Variants in FBN2 observed in about 807,000 individuals in gnomAD.
FBN2 encodes fibrillin 2.
Under a neutral mutation model 355.6 loss-of-function variants are expected in FBN2, and 105 were observed. The observed-to-expected ratio is 0.30, with a 90% CI of 0.25 to 0.35. The LOEUF is 0.35. Ranked by LOEUF, FBN2 falls within the 10% of genes least tolerant of loss-of-function variation. The pLI, the probability that FBN2 is intolerant of heterozygous loss-of-function variation, is 1.00. For missense variants in FBN2, 3,280 were observed against 3,758.7 expected (o/e 0.87, Z 3.33); for synonymous variants, 1,350 against 1,301.2 (o/e 1.04, Z -0.81).
intron 4 of FBN2, among the ~76,000 whole-genome samples, chr5:128,526,962 T>C (rs1756576621): frequency 6.6e-6 from 1 of 152,146 alleles, no homozygotes; most frequent in Non-Finnish European, 1.5e-5. Context: ...GAAAACAAGC[T>C]AGATATTCTT....
chr5:128,377,838 T>C lies in FBN2; in HGVS notation c.1763A>G (p.Asn588Ser), dbSNP rs1291953878. Reference sequence around the variant, plus strand: ...TCCATCTGTGTTCACGCATCGACCGTTTTTACAAAGAACCCCATTCTGGAT... The same window carrying C: ...TCCATCTGTGTTCACGCATCGACCGCTTTTACAAAGAACCCCATTCTGGAT... ...ECIQNGVLCKNGRCVNTDGSF... is the reference protein window; with the variant it reads ...ECIQNGVLCKSGRCVNTDGSF... Residue 588 changes from asparagine (N) to serine (S), a missense_variant, in exon 13 of 65, where the codon AAC (asparagine) becomes AGC (serine). Asn to Ser is a conservative substitution (Grantham distance 46). Around this residue, in one of 6 missense-constraint regions of FBN2, gnomAD observed 2,284 missense variants for 2,749.5 expected, o/e 0.83. Transcript: ENST00000262464. 6.2e-7 allele frequency: 1 copy of C among 1,613,370 alleles called. No homozygotes were observed. Among genetic ancestry groups the C allele is most frequent in the Non-Finnish European group, 8.5e-7 (1 of 1,179,526 alleles).
intron 48 of FBN2, among the ~76,000 whole-genome samples, chr5:128,299,498 A>T (rs1749650354): frequency 6.6e-6 from 1 of 151,190 alleles, no homozygotes; most frequent in Admixed American, 6.6e-5. Context: ...GGACCCTCCG[A>T]GCCATGTGCG....
chr5:128,271,717 A>G (rs916353441), intron 62 of FBN2, among the ~76,000 whole-genome samples: 1 of 152,230 alleles, frequency 6.6e-6, no homozygotes, highest in Non-Finnish European at 1.5e-5. Flanking sequence ...ATGATTCTTG[A>G]CATCATCTTC....
chr5:128,291,487 T>C, intron 49 of FBN2, 42 bp downstream of exon 49: 1 of 1,610,560 alleles, frequency 6.2e-7, no homozygotes, highest in East Asian at 2.2e-5. Context: ...CTTTAAAGTT[T>C]CTAAGCGTGA....
At chr5:128,297,866 T>G (rs573562331) in intron 48 of FBN2, among the ~76,000 whole-genome samples, 7,070 of 152,108 alleles carry the variant, frequency 0.046, 566 homozygotes, top group African/African-American at 0.16. Context: ...TGTGTGAATT[T>G]GATCCTGTCA....
rs1332336771 is a variant in FBN2, at chr5:128,258,004, A to G, written c.*1451T>C. The G allele has an allele frequency of 6.6e-6, 1 of 152,574 alleles. No individual in the cohort carries two copies. The highest frequency in any genetic ancestry group is 1.5e-5 in the Non-Finnish European group (1 of 68,042). The allele number at this position is 152,574 out of a possible 1,614,324, so 9.5% of individuals were successfully genotyped here. A position where few individuals can be genotyped will look rare whatever the true frequency, so the allele number is the denominator to read the frequency against. ...CCAAAAACCATAAGTTTTTCCTCAC[A>G]AACTCTTGATTACAAATTTACACTG... is the stretch of plus-strand genomic sequence containing the variant. On this transcript the variant is annotated 3_prime_UTR_variant, in exon 65 of 65. Transcript: ENST00000262464.
chr5:128,395,412 T>C, intron 8 of FBN2, 138 bp from the exon 9 acceptor site: 1 of 941,970 alleles, frequency 1.1e-6, no homozygotes, highest in Non-Finnish European at 1.6e-6. Flanking sequence ...TTCACTCTCT[T>C]AATATCTCAG....
chr5:128,399,863 G>C (rs928221543), intron 8 of FBN2, among the ~76,000 whole-genome samples: 17 of 151,734 alleles, frequency 1.1e-4, no homozygotes, highest in African/African-American at 4.1e-4. Context: ...CAGCAGGTCG[G>C]GGGGATCCTG....
At chr5:128,409,746 C>T (rs531533328) in intron 7 of FBN2, among the ~76,000 whole-genome samples, 19 of 152,246 alleles carry the variant, frequency 1.2e-4, no homozygotes, top group African/African-American at 4.3e-4. Flanking sequence ...GCCATACATA[C>T]AGATAATTAC....
intron 11 of FBN2, among the ~76,000 whole-genome samples, chr5:128,380,207 AAG>A (rs765490610): frequency 6.6e-6 from 1 of 152,120 alleles, no homozygotes; most frequent in African/African-American, 2.4e-5. Flanking sequence ...AAAATGAGAA[AAG>A]AGAGAGAGCA....
intron 20 of FBN2, among the ~76,000 whole-genome samples, chr5:128,353,048 C>T (rs1751409189): frequency 6.6e-6 from 1 of 151,968 alleles, no homozygotes; most frequent in Non-Finnish European, 1.5e-5. Flanking sequence ...TGGCACATGC[C>T]TGTAGTCCCA....
At chr5:128,442,076 A>G in intron 7 of FBN2, 1 of 304,140 alleles carries the variant, frequency 3.3e-6, no homozygotes, top group Non-Finnish European at 6.4e-6. Flanking sequence ...AGACTGTGCC[A>G]ACAACTTTTA....
chr5:128,265,967 TC>T (rs1765104789), intron 62 of FBN2, among the ~76,000 whole-genome samples: 2 of 152,176 alleles, frequency 1.3e-5, no homozygotes, highest in African/African-American at 2.4e-5. Flanking sequence ...CCTTCTGTAT[TC>T]CCCCATCAAT....
chr5:128,325,188 C>T (rs1750510816), intron 34 of FBN2, among the ~76,000 whole-genome samples: 1 of 152,094 alleles, frequency 6.6e-6, no homozygotes, highest in Non-Finnish European at 1.5e-5. Flanking sequence ...GTTGATCTGT[C>T]TAATATTGAC....
intron 48 of FBN2, among the ~76,000 whole-genome samples, chr5:128,298,292 G>T (rs1749588735): frequency 6.6e-6 from 1 of 151,122 alleles, no homozygotes; most frequent in Admixed American, 6.6e-5. Context: ...TTTCAACTTT[G>T]GTGAATCTGA....
intron 25 of FBN2, among the ~76,000 whole-genome samples, chr5:128,342,969 C>G (rs1751067509): frequency 6.6e-6 from 1 of 152,136 alleles, no homozygotes; most frequent in Non-Finnish European, 1.5e-5. Flanking sequence ...CCCAGGTGAT[C>G]TGCCCGTCTC....
chr5:128,310,240 T>C, intron 39 of FBN2, 132 bp from the exon 40 acceptor site: 2 of 729,934 alleles, frequency 2.7e-6, no homozygotes, highest in Non-Finnish European at 4.7e-6. Flanking sequence ...ATAAAGAAAA[T>C]ATCCCAAATA....
chr5:128,399,291 G>T (rs1448245783), intron 8 of FBN2, among the ~76,000 whole-genome samples: 3 of 152,100 alleles, frequency 2.0e-5, no homozygotes, highest in African/African-American at 7.2e-5. Context: ...CTGAGAAACG[G>T]TATTTTAAAA....
intron 7 of FBN2, among the ~76,000 whole-genome samples, chr5:128,433,920 G>A (rs1387663602): frequency 6.6e-6 from 1 of 152,094 alleles, no homozygotes; most frequent in African/African-American, 2.4e-5. Context: ...CTCAGTATCT[G>A]TATGACATTA....
Sources: gnomAD v4.1 joint callset for allele counts (sites outside exome capture counted in the v4.1 genomes callset) on GRCh38, gnomAD v4.1.1 for gene constraint, gnomAD v4.1.1 regional missense constraint, MANE v1.5 for transcripts, NCBI Gene and HGNC (gene_info 2026-07-23, HGNC 2026-07-21) for gene names.